Variants in ACAP2 observed in about 807,000 individuals in gnomAD.
ACAP2 encodes the protein ArfGAP with coiled-coil, ankyrin repeat and PH domains 2.
A neutral mutation model predicts 115.8 loss-of-function variants in ACAP2; 39 were observed. The observed-to-expected ratio is 0.34, with a 90% CI of 0.26 to 0.44. ACAP2 has a LOEUF of 0.44. Among genes scored for constraint, ACAP2 ranks in the 20% least tolerant of loss-of-function variants. ACAP2 has a pLI of 1.00. For synonymous variants in ACAP2, 289 were observed against 315.8 expected (o/e 0.92, Z 0.90); for missense variants, 662 against 927.6 (o/e 0.71, Z 3.72).
chr3:195,295,093 G>A, intron 17 of ACAP2: 1 of 532,224 alleles, frequency 1.9e-6, no homozygotes. Flanking sequence ...ATGACTGTAA[G>A]TAACGTGTAA....
At chr3:195,393,279 T>C (rs1210510083) in intron 1 of ACAP2, among the ~76,000 whole-genome samples, 1 of 152,228 alleles carries the variant, frequency 6.6e-6, no homozygotes, top group Non-Finnish European at 1.5e-5. Flanking sequence ...GACGCTTCAG[T>C]GCACTCCAGC....
At chr3:195,384,466 C>G (rs978775680) in intron 2 of ACAP2, among the ~76,000 whole-genome samples, 6 of 152,156 alleles carry the variant, frequency 3.9e-5, no homozygotes, top group Non-Finnish European at 7.3e-5. Context: ...GTGGCTCACG[C>G]CTGTAATCCC....
intron 22 of ACAP2, among the ~76,000 whole-genome samples, chr3:195,283,316 C>A (rs1478317422): frequency 6.6e-6 from 1 of 152,140 alleles, no homozygotes; most frequent in African/African-American, 2.4e-5. Context: ...TCAATCACCC[C>A]ACGCAAGAAA....
intron 8 of ACAP2, 106 bp from the exon 9 acceptor site, chr3:195,327,065 T>A: frequency 9.5e-7 from 1 of 1,048,076 alleles, no homozygotes; most frequent in Non-Finnish European, 1.4e-6. Context: ...TCACTCAATT[T>A]AAGCTGATTT....
intron 4 of ACAP2, among the ~76,000 whole-genome samples, chr3:195,371,219 C>T (rs1331430618): frequency 5.9e-5 from 9 of 152,010 alleles, no homozygotes; most frequent in African/African-American, 2.2e-4. Flanking sequence ...CCATTTGTGC[C>T]ATCTCTGATT....
chr3:195,314,389 T>C (rs1244671295), intron 10 of ACAP2, among the ~76,000 whole-genome samples: 1 of 152,102 alleles, frequency 6.6e-6, no homozygotes, highest in Non-Finnish European at 1.5e-5. Flanking sequence ...TGCCTCAGTT[T>C]CCCGAGGAGC....
At chr3:195,299,570 G>A (rs1312586575) in intron 15 of ACAP2, among the ~76,000 whole-genome samples, 1 of 150,814 alleles carries the variant, frequency 6.6e-6, no homozygotes, top group Admixed American at 6.6e-5. Flanking sequence ...CGGGCGCGGT[G>A]GCTCACGCCT....
At chr3:195,418,794 C>T (rs1303910460) in intron 1 of ACAP2, among the ~76,000 whole-genome samples, 2 of 152,140 alleles carry the variant, frequency 1.3e-5, no homozygotes, top group Non-Finnish European at 2.9e-5. Flanking sequence ...TGCCTTAAAA[C>T]GCAGCTTCAA....
intron 1 of ACAP2, among the ~76,000 whole-genome samples, chr3:195,413,665 C>T (rs1713472629): frequency 6.6e-6 from 1 of 152,220 alleles, no homozygotes; most frequent in East Asian, 1.9e-4. Flanking sequence ...CGGAGAATCG[C>T]TTGAACCCAG....
rs1159505153 is a variant in ACAP2 at position 195,325,114 on chromosome 3, CA to C, written c.744+1770del. 4.1e-4 allele frequency among the ~76,000 whole-genome samples: 62 copies of C among 152,238 alleles called. No homozygotes were observed. The Middle Eastern group carries it at 0.017, about 42-fold the overall frequency. The stretch of plus-strand genomic sequence containing the variant: ...CAAATGGGCCAAAATCTGAAAGTCT[CA>C]TAATATAATGAGCTGGCAAATAGGA... On this transcript the variant is annotated intron_variant, in intron 9 of 22. Coordinates refer to ENST00000326793, the MANE Select transcript of ACAP2 (RefSeq NM_012287.6).
chr3:195,424,500 T>C (rs956207314), intron 1 of ACAP2, among the ~76,000 whole-genome samples: 1 of 151,374 alleles, frequency 6.6e-6, no homozygotes, highest in Non-Finnish European at 1.5e-5. Context: ...GGTTTCACCA[T>C]GTTGGCCAGT....
At chr3:195,381,111 A>T (rs1366976284) in intron 3 of ACAP2, 49 bp from the exon 4 acceptor site, 1 of 1,416,758 alleles carries the variant, frequency 7.1e-7, no homozygotes, top group Admixed American at 2.2e-5. Context: ...GAGCCACTTA[A>T]ATAGGTCACA....
intron 1 of ACAP2, among the ~76,000 whole-genome samples, chr3:195,433,808 G>C (rs377501015): frequency 1.3e-5 from 2 of 152,146 alleles, no homozygotes; most frequent in African/African-American, 4.8e-5. Context: ...CTTGGTCATG[G>C]TGTACAATCC....
chr3:195,403,199 T>G (rs2108795692), intron 1 of ACAP2, among the ~76,000 whole-genome samples: 1 of 152,268 alleles, frequency 6.6e-6, no homozygotes, highest in South Asian at 2.1e-4. Flanking sequence ...CAATGCAACA[T>G]TCCTGGAACG....
intron 2 of ACAP2, among the ~76,000 whole-genome samples, chr3:195,385,245 T>TG (rs1560313131): frequency 1.7e-4 from 22 of 126,630 alleles, no homozygotes; most frequent in South Asian, 2.6e-4. Context: ...ATCTCTGTAT[T>TG]CAAAAAAAAA....
At chr3:195,331,950 C>A (rs1199810604) in intron 8 of ACAP2, among the ~76,000 whole-genome samples, 1 of 151,586 alleles carries the variant, frequency 6.6e-6, no homozygotes, top group African/African-American at 2.4e-5. Context: ...CTGGCTAACA[C>A]GGTGAAACCC....
chr3:195,326,982 A>G, intron 8 of ACAP2, 23 bp from the exon 9 acceptor site: 1 of 1,601,196 alleles, frequency 6.2e-7, no homozygotes, highest in Non-Finnish European at 8.5e-7. Context: ...AAAAGAGAAA[A>G]CTGCAGACTT....
At chr3:195,423,340 C>T (rs1001251674) in intron 1 of ACAP2, among the ~76,000 whole-genome samples, 4 of 152,012 alleles carry the variant, frequency 2.6e-5, no homozygotes, top group African/African-American at 7.2e-5. Flanking sequence ...ACAAGTATTT[C>T]GGCCGGGCAT....
intron 5 of ACAP2, among the ~76,000 whole-genome samples, chr3:195,343,732 G>T (rs1181671957): frequency 6.6e-6 from 1 of 152,142 alleles, no homozygotes; most frequent in Non-Finnish European, 1.5e-5. Context: ...GTTCATTAAT[G>T]ATCTTAGTCA....
Sources: allele counts gnomAD v4.1 joint callset (sites outside exome capture counted in the v4.1 genomes callset), GRCh38; gene constraint gnomAD v4.1.1; transcripts MANE v1.5; gene names NCBI Gene and HGNC (gene_info 2026-07-23, HGNC 2026-07-21).